SLC35F4: variants seen among roughly 807,000 people sequenced by gnomAD.
The protein encoded by SLC35F4 is solute carrier family 35 member F4, also known as chromosome 14 open reading frame 36.
Under a neutral mutation model 44.2 loss-of-function variants are expected in SLC35F4, and 24 were observed. That is an observed-to-expected ratio of 0.54 (90% CI 0.39 to 0.76). SLC35F4 has a LOEUF of 0.76. Among genes scored for constraint, SLC35F4 ranks in the 30% least tolerant of loss-of-function variants. The pLI is 0.00. For synonymous variants in SLC35F4, 238 were observed against 223.6 expected (o/e 1.06, Z -0.57); for missense variants, 562 against 586.1 (o/e 0.96, Z 0.42).
chr14:57,571,452 T>C (rs958188832), intron 5 of SLC35F4, among the ~76,000 whole-genome samples: 15 of 152,338 alleles, frequency 9.8e-5, no homozygotes, highest in African/African-American at 3.6e-4. Flanking sequence ...AACACCTCTT[T>C]TGAGTTAAAA....
At chr14:57,613,471 G>A (rs577922944) in intron 1 of SLC35F4, among the ~76,000 whole-genome samples, 18 of 152,222 alleles carry the variant, frequency 1.2e-4, no homozygotes, top group South Asian at 4.2e-4. Flanking sequence ...AGTCAAAAAC[G>A]TCAGTCACCC....
rs150927520 is a variant in SLC35F4 at position 57,961,900 on chromosome 14, T to TA, written n.282+20012dup. On this transcript the variant is annotated intron_variant and non_coding_transcript_variant, in intron 1 of 1. Coordinates refer to the SLC35F4 transcript ENST00000556568. ...TTTTCTCCCTAGCTCTTATTGTACT[T>TA]ACTTATCAGTGTGAGTATCTGTTTT... is the stretch of plus-strand genomic sequence containing the variant. 9.3e-3 allele frequency among the ~76,000 whole-genome samples: 1,411 copies of TA among 152,348 alleles called. 19 individuals are homozygous for TA. The highest frequency in any genetic ancestry group is 0.03 in the African/African-American group (1,256 of 41,576).
intron 1 of SLC35F4, among the ~76,000 whole-genome samples, chr14:57,865,289 G>A (rs1231388373): frequency 7.6e-6 from 1 of 131,804 alleles, no homozygotes; most frequent in South Asian, 2.7e-4. Flanking sequence ...CCCCACCCCC[G>A]AGCCTCCCCA....
chr14:57,644,860 C>A (rs926755207), intron 1 of SLC35F4, among the ~76,000 whole-genome samples: 1 of 152,136 alleles, frequency 6.6e-6, no homozygotes, highest in African/African-American at 2.4e-5. Context: ...TTTCCCAGCA[C>A]CATTTATTAA....
At chr14:57,952,187 C>T (rs1187855142) in intron 1 of SLC35F4, among the ~76,000 whole-genome samples, 1 of 152,114 alleles carries the variant, frequency 6.6e-6, no homozygotes, top group Non-Finnish European at 1.5e-5. Flanking sequence ...AGACCTGCAG[C>T]AGAGGGGCCT....
At chr14:57,876,755 C>T (rs964932524) in intron 1 of SLC35F4, among the ~76,000 whole-genome samples, 20 of 152,132 alleles carry the variant, frequency 1.3e-4, no homozygotes, top group Non-Finnish European at 2.4e-4. Context: ...CAATTAAACA[C>T]AGCAGCAACA....
intron 1 of SLC35F4, among the ~76,000 whole-genome samples, chr14:57,900,565 T>A (rs1250135108): frequency 6.6e-6 from 1 of 152,190 alleles, no homozygotes; most frequent in Non-Finnish European, 1.5e-5. Context: ...AATAAAAACA[T>A]TGAGCTTCAC....
chr14:57,830,920 G>A (rs1200529350), intron 1 of SLC35F4, among the ~76,000 whole-genome samples: 1 of 152,218 alleles, frequency 6.6e-6, no homozygotes, highest in African/African-American at 2.4e-5. Context: ...TGTGGAGCAA[G>A]TTCAACAGCA....
intron 1 of SLC35F4, chr14:57,602,287 CTTTTAA>C (rs1273819335): frequency 6.6e-6 from 1 of 152,044 alleles, no homozygotes; most frequent in Non-Finnish European, 1.5e-5. Context: ...GGATTTTGCC[CTTTTAA>C]TTGTGGGGAG....
At chr14:57,709,016 T>C (rs2075749440) in intron 1 of SLC35F4, among the ~76,000 whole-genome samples, 1 of 152,080 alleles carries the variant, frequency 6.6e-6, no homozygotes, top group South Asian at 2.1e-4. Flanking sequence ...GCCAGGTGTA[T>C]AGGATGGAAC....
chr14:57,946,721 C>T (rs1890038924), intron 1 of SLC35F4, among the ~76,000 whole-genome samples: 1 of 152,044 alleles, frequency 6.6e-6, no homozygotes. Flanking sequence ...AGTGATCTAC[C>T]TGCCTTGGCC....
chr14:57,980,326 G>A (rs970408401), intron 1 of SLC35F4, among the ~76,000 whole-genome samples: 4 of 152,206 alleles, frequency 2.6e-5, no homozygotes, highest in African/African-American at 9.6e-5. Flanking sequence ...GTGGGTGTTA[G>A]GATGGAGGCA....
At position 57,906,954 on chromosome 14, in the gene SLC35F4, T is replaced by C. The variant is rs531728664; in HGVS notation, n.282+74959A>G. Among the ~76,000 whole-genome samples the C allele has an allele frequency of 2.0e-5, 3 of 152,352 alleles. No individual in the cohort carries two copies. The East Asian group carries it at 5.8e-4, about 29-fold the overall frequency. On this transcript the variant is annotated intron_variant and non_coding_transcript_variant, in intron 1 of 1. Transcript: ENST00000556568. ...AAAAGCCACAGTGTCTCTTTGACCTTCCCTTTGCTTTCCAATAACCAATAT... is the reference window on the plus strand; with the variant it reads ...AAAAGCCACAGTGTCTCTTTGACCTCCCCTTTGCTTTCCAATAACCAATAT...
At chr14:57,708,427 T>A (rs1037239604) in intron 1 of SLC35F4, among the ~76,000 whole-genome samples, 1 of 152,254 alleles carries the variant, frequency 6.6e-6, no homozygotes, top group Non-Finnish European at 1.5e-5. Flanking sequence ...TGTGAATTAC[T>A]CTTTCTCCTT....
chr14:57,614,586 T>C (rs554003621), intron 1 of SLC35F4, among the ~76,000 whole-genome samples: 5 of 152,040 alleles, frequency 3.3e-5, no homozygotes, highest in African/African-American at 1.2e-4. Context: ...TAAGAACAAG[T>C]TGAAAAAGAA....
chr14:57,747,573 C>T (rs945694266), intron 1 of SLC35F4, among the ~76,000 whole-genome samples: 1 of 152,098 alleles, frequency 6.6e-6, no homozygotes, highest in Non-Finnish European at 1.5e-5. Context: ...AATCTTGCTC[C>T]ATCTATTCTG....
At position 57,593,932 on chromosome 14, in the gene SLC35F4, C is replaced by A. The variant is rs377462838; in HGVS notation, c.289+7G>T. ...TACCGTTATTTAAGAGGAGGTCACC[C>A]ACATACCTGATCTGTTCTGTCTCTC... is the stretch of plus-strand genomic sequence containing the variant. On this transcript the variant is annotated splice_region_variant and intron_variant, in intron 2 of 7. Coordinates refer to ENST00000556826, the MANE Select transcript of SLC35F4 (RefSeq NM_001306087.2). The A allele has an allele frequency of 6.2e-7, 1 of 1,613,200 alleles. No individual in the cohort carries two copies. The highest frequency in any genetic ancestry group is 1.7e-5 in the Admixed American group (1 of 59,934).
intron 1 of SLC35F4, among the ~76,000 whole-genome samples, chr14:57,645,210 G>A (rs2073445785): frequency 6.6e-6 from 1 of 152,044 alleles, no homozygotes; most frequent in Non-Finnish European, 1.5e-5. Flanking sequence ...ATTACCTTGG[G>A]CAGTATGGCC....
chr14:57,601,193 G>T (rs1204212438), intron 1 of SLC35F4, among the ~76,000 whole-genome samples: 1 of 151,432 alleles, frequency 6.6e-6, no homozygotes, highest in East Asian at 1.9e-4. Context: ...TTCAAGACTT[G>T]CTTATTATCT....
Sources: gnomAD v4.1 joint callset for allele counts (sites outside exome capture counted in the v4.1 genomes callset) on GRCh38, gnomAD v4.1.1 for gene constraint, MANE v1.5 for transcripts, NCBI Gene and HGNC (gene_info 2026-07-23, HGNC 2026-07-21) for gene names.